Variants in KIAA1143 observed in about 807,000 individuals in gnomAD.
KIAA1143 encodes the protein uncharacterized protein KIAA1143.
KIAA1143 carries 8 observed loss-of-function variants against 17.0 expected under a neutral mutation model. The observed-to-expected ratio is 0.47, with a 90% CI of 0.28 to 0.85. The LOEUF is 0.85. KIAA1143 is among the 40% of genes least tolerant of loss of function. The pLI, the probability that KIAA1143 is intolerant of heterozygous loss-of-function variation, is 0.12. For synonymous variants in KIAA1143, 64 were observed against 67.8 expected (o/e 0.94, Z 0.27); for missense variants, 162 against 183.3 (o/e 0.88, Z 0.67).
At chr3:44,756,813 T>C (rs559423921) in intron 1 of KIAA1143, among the ~76,000 whole-genome samples, 2 of 152,276 alleles carry the variant, frequency 1.3e-5, no homozygotes, top group South Asian at 4.1e-4. Flanking sequence ...CTAGAGTATA[T>C]TGTTATGATT....
intron 1 of KIAA1143, among the ~76,000 whole-genome samples, chr3:44,756,206 C>CT (rs1400072890): frequency 1.3e-5 from 2 of 152,272 alleles, no homozygotes; most frequent in Admixed American, 6.5e-5. Flanking sequence ...GAGAAATAGT[C>CT]TAAGGACAGT....
At chr3:44,757,616 T>A (rs939344590) in intron 1 of KIAA1143, among the ~76,000 whole-genome samples, 2 of 152,140 alleles carry the variant, frequency 1.3e-5, no homozygotes, top group African/African-American at 4.8e-5. Context: ...TTCAATCTAG[T>A]GGTGAAGATA....
chr3:44,757,300 A>G (rs1291284182), intron 1 of KIAA1143, among the ~76,000 whole-genome samples: 5 of 152,092 alleles, frequency 3.3e-5, no homozygotes, highest in African/African-American at 1.2e-4. Flanking sequence ...TGTTACCTCT[A>G]AGAAAAAAAT....
Position 44,749,551 on chromosome 3 carries a change from G to C in KIAA1143, c.*3790C>G, listed in dbSNP as rs1157635749. On this transcript the variant is annotated 3_prime_UTR_variant, in exon 3 of 3. Coordinates refer to ENST00000296121, the MANE Select transcript of KIAA1143 (RefSeq NM_020696.4). ...GAGGAAAATTGTTAGGATTAAGCAG[G>C]GTCTTGAGGAATCACCTCTAAAGGC... is the stretch of plus-strand genomic sequence containing the variant. The C allele has an allele frequency of 6.6e-6, 1 of 152,082 alleles. No homozygotes were observed. Among genetic ancestry groups the C allele is most frequent in the Non-Finnish European group, 1.5e-5 (1 of 68,026 alleles). 9.4% of individuals were successfully genotyped at this position (152,082 alleles called of 1,614,324 possible).
rs1486795442 is a variant in KIAA1143, at chr3:44,752,133, TG to T, written c.*1207del. 6.6e-6 allele frequency: 1 copy of T among 151,564 alleles called. No homozygotes were observed. Among genetic ancestry groups the T allele is most frequent in the East Asian group, 1.9e-4 (1 of 5,178 alleles). 9.4% of individuals were successfully genotyped at this position (151,564 alleles called of 1,614,324 possible). A position where few individuals can be genotyped will look rare whatever the true frequency, so the allele number is the denominator to read the frequency against. On this transcript the variant is annotated 3_prime_UTR_variant, in exon 3 of 3. Transcript: ENST00000296121. The stretch of plus-strand genomic sequence containing the variant: ...GAGGCTACTCCCTTTGCAATCCCCT[TG>T]CCTTTTCTGCATTGCAGATGAAAAA...
At position 44,749,883 on chromosome 3, in the gene KIAA1143, TG is replaced by T. The variant is rs1412005313; in HGVS notation, c.*3457del. On this transcript the variant is annotated 3_prime_UTR_variant, in exon 3 of 3. Coordinates refer to ENST00000296121, the MANE Select transcript of KIAA1143 (RefSeq NM_020696.4). ...ATAGCTCACTGCAGCGTTGAACTCC[TG>T]GGCCCAAGCCATCCTCCTGCTTAGC... is the stretch of plus-strand genomic sequence containing the variant. The T allele has an allele frequency of 6.6e-5, 10 of 152,290 alleles. No individual in the cohort carries two copies. Among genetic ancestry groups the T allele is most frequent in the African/African-American group, 2.4e-4 (10 of 41,470 alleles). The allele number at this position is 152,290 out of a possible 1,614,324, so 9.4% of individuals were successfully genotyped here.
chr3:44,754,401 A>G (rs759870288), intron 1 of KIAA1143, 33 bp from the exon 2 acceptor site: 1 of 1,553,654 alleles, frequency 6.4e-7, no homozygotes, highest in Non-Finnish European at 8.7e-7. Flanking sequence ...TGTGTAGATC[A>G]CTGATCTTGA....
At position 44,752,236 on chromosome 3, in the gene KIAA1143, A is replaced by G. The variant is rs1174039887; in HGVS notation, c.*1105T>C. The G allele has an allele frequency of 6.6e-6, 1 of 151,984 alleles. No homozygotes were observed. The highest frequency in any genetic ancestry group is 6.6e-5 in the Admixed American group (1 of 15,260). 9.4% of individuals were successfully genotyped at this position (151,984 alleles called of 1,614,324 possible). ...GCCAAGTCCTCATTTACACAGGAGTATAACTTTGTAACTTCACTTCAGCCT... is the reference window on the plus strand; with the variant it reads ...GCCAAGTCCTCATTTACACAGGAGTGTAACTTTGTAACTTCACTTCAGCCT... On this transcript the variant is annotated 3_prime_UTR_variant, in exon 3 of 3. Transcript: ENST00000296121.
intron 1 of KIAA1143, among the ~76,000 whole-genome samples, chr3:44,759,915 A>AAAAAAAAAAAAAT (rs1559511956): frequency 2.0e-5 from 3 of 150,302 alleles, no homozygotes; most frequent in Non-Finnish European, 4.4e-5. Flanking sequence ...AAAAAAAAAA[A>AAAAAAAAAAAAAT]GTCCTAGATG....
At chr3:44,759,534 G>T (rs2125881150) in intron 1 of KIAA1143, among the ~76,000 whole-genome samples, 1 of 152,210 alleles carries the variant, frequency 6.6e-6, no homozygotes, top group Non-Finnish European at 1.5e-5. Flanking sequence ...GTCACCAGCT[G>T]CATTAGCTCC....
intron 1 of KIAA1143, among the ~76,000 whole-genome samples, chr3:44,759,548 TGA>T (rs1289737206): frequency 1.3e-5 from 2 of 152,132 alleles, no homozygotes; most frequent in South Asian, 2.1e-4. Flanking sequence ...TAGCTCCTAA[TGA>T]GAGAGTTAGC....
At chr3:44,754,409 T>G in intron 1 of KIAA1143, 41 bp from the exon 2 acceptor site, 25 of 1,558,030 alleles carry the variant, frequency 1.6e-5, no homozygotes, top group Non-Finnish European at 1.9e-5. Context: ...TCACTGATCT[T>G]GAGACAAACA....
rs1308362490 is a variant in KIAA1143 at position 44,749,736 on chromosome 3, A to G, written c.*3605T>C. 1 of 152,258 alleles carries G rather than the reference A, an allele frequency of 6.6e-6. No homozygotes were observed. Among genetic ancestry groups the G allele is most frequent in the African/African-American group, 2.4e-5 (1 of 41,476 alleles). The allele number at this position is 152,258 out of a possible 1,614,324, so 9.4% of individuals were successfully genotyped here. A position where few individuals can be genotyped will look rare whatever the true frequency, so the allele number is the denominator to read the frequency against. ...TAAATTCCAGATAGAATAAAGGTTA[A>G]TGTGAATAAACAAAAACAAAGAGAA... On this transcript the variant is annotated 3_prime_UTR_variant, in exon 3 of 3. Transcript: ENST00000296121.
In KIAA1143 at chr3:44,761,565, G is replaced by T; in HGVS notation, c.38C>A (p.Ala13Asp). 2 of 1,614,134 alleles carry T rather than the reference G, an allele frequency of 1.2e-6. No homozygotes were observed. Among genetic ancestry groups the T allele is most frequent in the Non-Finnish European group, 1.7e-6 (2 of 1,180,024 alleles). Residue 13 changes from alanine to aspartate, a missense_variant, in exon 1 of 3, where the codon GCC (alanine) becomes GAC (aspartate). Transcript: ENST00000296121. ...KRNQVSYVRP[A>D]EPAFLARFKE... The stretch of plus-strand genomic sequence containing the variant: ...GAAGCGGGCCAGAAACGCCGGCTCG[G>T]CTGGCCGCACGTACGATACCTGGTT...
intron 1 of KIAA1143, among the ~76,000 whole-genome samples, chr3:44,759,893 T>TGAAAAAAAAAAAAA (rs1364432200): frequency 4.7e-5 from 1 of 21,102 alleles, no homozygotes; most frequent in Admixed American, 6.0e-4. Flanking sequence ...AGACCCTATC[T>TGAAAAAAAAAAAAA]CAAAAAAAAA....
chr3:44,758,636 A>G (rs970205092), intron 1 of KIAA1143, among the ~76,000 whole-genome samples: 1 of 152,102 alleles, frequency 6.6e-6, no homozygotes, highest in African/African-American at 2.4e-5. Flanking sequence ...ACCTGCAATT[A>G]CTTCCTCCAC....
intron 1 of KIAA1143, among the ~76,000 whole-genome samples, chr3:44,759,120 T>G (rs1032739647): frequency 3.9e-5 from 6 of 152,148 alleles, no homozygotes; most frequent in African/African-American, 1.4e-4. Flanking sequence ...TGCCTTGACT[T>G]CCCAAAGTGC....
At chr3:44,758,697 T>G (rs1363814181) in intron 1 of KIAA1143, among the ~76,000 whole-genome samples, 1 of 152,164 alleles carries the variant, frequency 6.6e-6, no homozygotes, top group Non-Finnish European at 1.5e-5. Context: ...ATCAACCTCT[T>G]CCAAATTCCT....
In KIAA1143 at chr3:44,752,298, C is replaced by T. The variant is rs1320017328; in HGVS notation, c.*1043G>A. On this transcript the variant is annotated 3_prime_UTR_variant, in exon 3 of 3. Transcript: ENST00000296121. Reference sequence around the variant, plus strand: ...CTTTCTGCACCAATCAGACAGGTCACGGGCCACTACTTCATTTACACAGGG... The same window carrying T: ...CTTTCTGCACCAATCAGACAGGTCATGGGCCACTACTTCATTTACACAGGG... The T allele has an allele frequency of 2.6e-5, 4 of 151,264 alleles. No individual in the cohort carries two copies. Among genetic ancestry groups the T allele is most frequent in the South Asian group, 2.1e-4 (1 of 4,804 alleles). 9.4% of individuals were successfully genotyped at this position (151,264 alleles called of 1,614,324 possible). A position where few individuals can be genotyped will look rare whatever the true frequency, so the allele number is the denominator to read the frequency against.
Sources: allele counts gnomAD v4.1 joint callset (sites outside exome capture counted in the v4.1 genomes callset), GRCh38; gene constraint gnomAD v4.1.1; transcripts MANE v1.5; gene names NCBI Gene and HGNC (gene_info 2026-07-23, HGNC 2026-07-21).